The following PCDH9 variants were observed in gnomAD, a reference collection of about 807,000 sequenced individuals.
The protein encoded by PCDH9 is protocadherin 9.
PCDH9 carries 24 observed loss-of-function variants against 70.6 expected under a neutral mutation model. The ratio of observed to expected loss-of-function variants is 0.34; its 90% CI spans 0.25 to 0.48. The LOEUF (loss-of-function observed/expected upper bound fraction) is 0.48. PCDH9 is among the 20% of genes least tolerant of loss of function. PCDH9 has a pLI of 0.99. For missense variants in PCDH9, 1,281 were observed against 1,503.6 expected, an observed-to-expected ratio of 0.85 and a Z score of 2.45; for synonymous variants, 562 against 558.5, an observed-to-expected ratio of 1.01 and a Z score of -0.09.
At chr13:67,225,017 A>G in intron 2 of PCDH9, 2 of 1,038,858 alleles carry the variant, frequency 1.9e-6, no homozygotes, top group Non-Finnish European at 2.3e-6. Context: ...TTGAGATTTG[A>G]AGGTGACTTT....
Position 66,504,950 on chromosome 13 carries a change from T to C in PCDH9, c.3340+126260A>G, listed in dbSNP as rs1476732409. On this transcript the variant is annotated intron_variant, in intron 4 of 4. Transcript: ENST00000377865. ...TTCAAACTCCTTACCAGAGCAAGTG[T>C]GATTCTTCAAAAACTTGGCTTCCAG... Among the ~76,000 whole-genome samples, 9 of 152,312 alleles carry C rather than the reference T, an allele frequency of 5.9e-5. No individual in the cohort carries two copies. The East Asian group carries it at 1.7e-3, about 29-fold the overall frequency.
intron 3 of PCDH9, among the ~76,000 whole-genome samples, chr13:66,730,542 C>G (rs9599139): frequency 0.12 from 18,684 of 152,090 alleles, 1,286 homozygotes; most frequent in Middle Eastern, 0.2. Context: ...CCAGTCATCA[C>G]AGTCAAAACT....
intron 4 of PCDH9, among the ~76,000 whole-genome samples, chr13:66,397,450 G>T (rs961674152): frequency 9.8e-6 from 1 of 102,496 alleles, no homozygotes; most frequent in Non-Finnish European, 2.0e-5. Context: ...ATATGTGTGT[G>T]TGTGTGTATA....
At chr13:67,113,986 C>T (rs566549080) in intron 2 of PCDH9, among the ~76,000 whole-genome samples, 42 of 152,256 alleles carry the variant, frequency 2.8e-4, no homozygotes, top group African/African-American at 9.1e-4. Context: ...CAATATATGC[C>T]AAGTCTTATT....
chr13:66,630,622 A>G (rs1465693204), intron 4 of PCDH9: 1 of 152,176 alleles, frequency 6.6e-6, no homozygotes, highest in Non-Finnish European at 1.5e-5. Context: ...CAAATTATCC[A>G]AGAATTCAAG....
At chr13:67,178,305 G>T (rs1312788641) in intron 2 of PCDH9, among the ~76,000 whole-genome samples, 1 of 151,926 alleles carries the variant, frequency 6.6e-6, no homozygotes, top group Non-Finnish European at 1.5e-5. Flanking sequence ...ACAATGTTTG[G>T]CAAATCATTT....
intron 2 of PCDH9, among the ~76,000 whole-genome samples, chr13:67,126,894 A>G (rs1307707595): frequency 6.6e-6 from 1 of 152,150 alleles, no homozygotes; most frequent in Non-Finnish European, 1.5e-5. Context: ...CAAAATTTTA[A>G]AATAGTTAAA....
At chr13:67,186,438 T>C (rs1000362655) in intron 2 of PCDH9, among the ~76,000 whole-genome samples, 10 of 152,206 alleles carry the variant, frequency 6.6e-5, no homozygotes, top group African/African-American at 2.4e-4. Context: ...ATGTACATCG[T>C]AATCACCTGG....
intron 3 of PCDH9, among the ~76,000 whole-genome samples, chr13:66,656,439 T>C (rs2077930432): frequency 6.6e-6 from 1 of 152,196 alleles, no homozygotes; most frequent in Non-Finnish European, 1.5e-5. Flanking sequence ...TTCAGGTTAC[T>C]CTTTGAAAAC....
At chr13:66,580,629 G>A (rs551217426) in intron 4 of PCDH9, among the ~76,000 whole-genome samples, 12 of 151,608 alleles carry the variant, frequency 7.9e-5, no homozygotes, top group African/African-American at 2.9e-4. Context: ...CCAAAAAGAT[G>A]TCCTTACCAT....
chr13:66,944,457 T>C (rs2083055190), intron 2 of PCDH9, among the ~76,000 whole-genome samples: 1 of 152,168 alleles, frequency 6.6e-6, no homozygotes, highest in Non-Finnish European at 1.5e-5. Flanking sequence ...CTATGCCAAC[T>C]ATATTTTCTA....
intron 4 of PCDH9, among the ~76,000 whole-genome samples, chr13:66,404,093 A>G (rs1423848167): frequency 3.3e-5 from 5 of 152,358 alleles, no homozygotes; most frequent in African/African-American, 1.2e-4. Flanking sequence ...GAAAACTGCA[A>G]GATGACTCAG....
intron 2 of PCDH9, among the ~76,000 whole-genome samples, chr13:66,981,133 C>T (rs2083755436): frequency 6.6e-6 from 1 of 151,858 alleles, no homozygotes; most frequent in South Asian, 2.1e-4. Flanking sequence ...TAAAATAAGA[C>T]TAAGCATGAA....
intron 3 of PCDH9, among the ~76,000 whole-genome samples, chr13:66,884,917 C>T (rs903140537): frequency 1.1e-4 from 17 of 152,144 alleles, no homozygotes; most frequent in African/African-American, 3.9e-4. Context: ...TATTCTATTA[C>T]TGCCTATCTC....
intron 3 of PCDH9, among the ~76,000 whole-genome samples, chr13:66,897,243 G>C (rs942629914): frequency 1.3e-5 from 2 of 149,474 alleles, no homozygotes; most frequent in African/African-American, 5.1e-5. Context: ...GAAAGGAAAG[G>C]AGGGAGGGAA....
At chr13:66,840,393 G>T (rs2081096314) in intron 3 of PCDH9, among the ~76,000 whole-genome samples, 1 of 152,114 alleles carries the variant, frequency 6.6e-6, no homozygotes, top group Non-Finnish European at 1.5e-5. Flanking sequence ...AATACATCTT[G>T]ACTTATTCAT....
chr13:66,896,798 T>C (rs974099504), intron 3 of PCDH9, among the ~76,000 whole-genome samples: 6 of 152,094 alleles, frequency 3.9e-5, no homozygotes, highest in Admixed American at 3.3e-4. Flanking sequence ...AGGAAAGAGG[T>C]CTGCATTGAG....
chr13:67,162,510 C>T (rs2087990720), intron 2 of PCDH9, among the ~76,000 whole-genome samples: 1 of 152,172 alleles, frequency 6.6e-6, no homozygotes. Flanking sequence ...AGTCCTAACT[C>T]ACAGAACAAC....
At chr13:66,439,930 T>C (rs373726614) in intron 4 of PCDH9, among the ~76,000 whole-genome samples, 56 of 152,246 alleles carry the variant, frequency 3.7e-4, no homozygotes, top group African/African-American at 1.3e-3. Context: ...CATTTTAGAT[T>C]GTAGGTAAGT....
Sources: gnomAD v4.1 joint callset for allele counts (sites outside exome capture counted in the v4.1 genomes callset) on GRCh38, gnomAD v4.1.1 for gene constraint, MANE v1.5 for transcripts, NCBI Gene and HGNC (gene_info 2026-07-23, HGNC 2026-07-21) for gene names.